The following SH3RF3 variants were observed in gnomAD, a reference collection of about 807,000 sequenced individuals.
SH3RF3 encodes E3 ubiquitin-protein ligase SH3RF3.
SH3RF3 carries 29 observed loss-of-function variants against 66.3 expected under a neutral mutation model. That is an observed-to-expected ratio of 0.44 (90% CI 0.33 to 0.60). The LOEUF is 0.60. Among genes scored for constraint, SH3RF3 ranks in the 20% least tolerant of loss-of-function variants. The probability of loss-of-function intolerance (pLI) is 0.04; values close to 1 mark genes in which losing one functional copy is unlikely to be tolerated. For synonymous variants in SH3RF3, 583 were observed against 532.0 expected (o/e 1.10, Z -1.32); for missense variants, 1,194 against 1,190.9 (o/e 1.00, Z -0.04).
At chr2:109,138,177 G>A (rs1676857359) in intron 1 of SH3RF3, among the ~76,000 whole-genome samples, 2 of 152,138 alleles carry the variant, frequency 1.3e-5, no homozygotes, top group African/African-American at 4.8e-5. Flanking sequence ...CACCACGCCC[G>A]GCTAACGCCC....
intron 1 of SH3RF3, among the ~76,000 whole-genome samples, chr2:109,187,177 C>A (rs937712482): frequency 6.6e-6 from 1 of 152,222 alleles, no homozygotes; most frequent in East Asian, 1.9e-4. Context: ...GTCGTCATTA[C>A]AAGAAAGTAT....
At chr2:109,273,270 G>T (rs561235438) in intron 1 of SH3RF3, among the ~76,000 whole-genome samples, 40 of 152,344 alleles carry the variant, frequency 2.6e-4, no homozygotes, top group African/African-American at 9.1e-4. Context: ...ATGTGTTTCT[G>T]TGGATGTATC....
chr2:109,416,555 T>G (rs1315924543), intron 4 of SH3RF3, among the ~76,000 whole-genome samples: 1 of 151,976 alleles, frequency 6.6e-6, no homozygotes, highest in Non-Finnish European at 1.5e-5. Flanking sequence ...TGGCTAATTT[T>G]TGTATTTTTA....
intron 1 of SH3RF3, among the ~76,000 whole-genome samples, chr2:109,244,714 C>T (rs990167619): frequency 6.6e-6 from 1 of 152,158 alleles, no homozygotes; most frequent in Non-Finnish European, 1.5e-5. Flanking sequence ...GAATCACAGC[C>T]TCTAGAGACA....
At chr2:109,141,323 CT>C (rs546684513) in intron 1 of SH3RF3, among the ~76,000 whole-genome samples, 119 of 152,330 alleles carry the variant, frequency 7.8e-4, no homozygotes, top group African/African-American at 2.4e-3. Context: ...GGCTGGCTTT[CT>C]GGAGGCAGCC....
intron 8 of SH3RF3, among the ~76,000 whole-genome samples, chr2:109,449,720 A>G (rs886696802): frequency 6.6e-6 from 1 of 152,224 alleles, no homozygotes; most frequent in African/African-American, 2.4e-5. Flanking sequence ...AAGTCCAGCT[A>G]CATTTCTCAT....
chr2:109,388,202 T>G (rs1007436208), intron 3 of SH3RF3, among the ~76,000 whole-genome samples: 3 of 152,198 alleles, frequency 2.0e-5, no homozygotes, highest in Non-Finnish European at 4.4e-5. Flanking sequence ...TATGGTTATG[T>G]CCTGTCTGTA....
chr2:109,131,978 G>A (rs1439870339), intron 1 of SH3RF3, among the ~76,000 whole-genome samples: 1 of 152,196 alleles, frequency 6.6e-6, no homozygotes, highest in Non-Finnish European at 1.5e-5. Flanking sequence ...CTTCGGGAGT[G>A]GGAAGGATTG....
chr2:109,371,725 C>G, intron 3 of SH3RF3, 44 bp downstream of exon 3: 1 of 1,568,926 alleles, frequency 6.4e-7, no homozygotes, highest in East Asian at 2.3e-5. Context: ...TTCTTGCCCA[C>G]CCTTGTTTCA....
rs893659462 is a variant in SH3RF3, at chr2:109,503,404, C to T, written c.*1733C>T. 5.9e-5 allele frequency: 9 copies of T among 152,258 alleles called. No individual in the cohort carries two copies. The highest frequency in any genetic ancestry group is 1.9e-4 in the African/African-American group (8 of 41,534). 9.4% of individuals were successfully genotyped at this position (152,258 alleles called of 1,614,324 possible). ...TGGGACGTGACTTGGCTACTTGTTA[C>T]TTCCAGGTGGTCACCACACGGCGGG... On this transcript the variant is annotated 3_prime_UTR_variant, in exon 10 of 10. Coordinates refer to ENST00000309415, the MANE Select transcript of SH3RF3 (RefSeq NM_001099289.3).
chr2:109,465,262 T>C (rs948703762), intron 8 of SH3RF3, among the ~76,000 whole-genome samples: 2 of 152,262 alleles, frequency 1.3e-5, no homozygotes, highest in Admixed American at 6.5e-5. Context: ...TTGGCAGTTA[T>C]GAATACAGCC....
At chr2:109,312,376 A>T (rs1300406835) in intron 1 of SH3RF3, among the ~76,000 whole-genome samples, 1 of 152,194 alleles carries the variant, frequency 6.6e-6, no homozygotes, top group Non-Finnish European at 1.5e-5. Context: ...TAATACTTAT[A>T]ACATGAAAGT....
intron 1 of SH3RF3, among the ~76,000 whole-genome samples, chr2:109,265,540 C>T (rs1178596937): frequency 6.6e-6 from 1 of 152,186 alleles, no homozygotes; most frequent in Non-Finnish European, 1.5e-5. Context: ...AGGCTGGGGT[C>T]CCTGCAAGCC....
At chr2:109,275,150 G>T (rs955830395) in intron 1 of SH3RF3, among the ~76,000 whole-genome samples, 1 of 152,144 alleles carries the variant, frequency 6.6e-6, no homozygotes, top group Non-Finnish European at 1.5e-5. Flanking sequence ...AGAGCCTGAG[G>T]TTGACCTTTC....
At chr2:109,488,686 A>G (rs1440381441) in intron 8 of SH3RF3, among the ~76,000 whole-genome samples, 2 of 152,338 alleles carry the variant, frequency 1.3e-5, no homozygotes, top group African/African-American at 4.8e-5. Context: ...TGTGCCGCCA[A>G]CAAGAGTTCT....
intron 1 of SH3RF3, among the ~76,000 whole-genome samples, chr2:109,133,254 T>C (rs1336530793): frequency 2.0e-5 from 3 of 152,262 alleles, no homozygotes; most frequent in Admixed American, 1.3e-4. Context: ...AAAGTCGGCA[T>C]TACAGCCTAA....
At position 109,501,516 on chromosome 2, in the gene SH3RF3, G is replaced by T; in HGVS notation, c.2494G>T (p.Val832Phe). Residue 832 changes from valine to phenylalanine, a missense_variant, in exon 10 of 10, where the codon GTC becomes TTC. Physicochemically the swap from Val to Phe is conservative, Grantham distance 50. Coordinates refer to ENST00000309415, the MANE Select transcript of SH3RF3 (RefSeq NM_001099289.3). ...LLPRERYRVV[V>F]SYPPQSEAEI... ...CTGTTTCCCCAGGTACCGCGTGGTG[G>T]TCTCGTACCCACCCCAGAGTGAGGC... 1.3e-6 allele frequency: 1 copy of T among 778,522 alleles called. No individual in the cohort carries two copies. The highest frequency in any genetic ancestry group is 1.7e-5 in the Admixed American group (1 of 58,808). 48.2% of individuals were successfully genotyped at this position (778,522 alleles called of 1,614,324 possible).
At chr2:109,384,470 C>A (rs1281462000) in intron 3 of SH3RF3, among the ~76,000 whole-genome samples, 1 of 151,754 alleles carries the variant, frequency 6.6e-6, no homozygotes, top group East Asian at 1.9e-4. Context: ...GACTCTAAGC[C>A]AGGGTGACCA....
At chr2:109,452,589 A>G (rs1677906996) in intron 8 of SH3RF3, among the ~76,000 whole-genome samples, 1 of 152,142 alleles carries the variant, frequency 6.6e-6, no homozygotes, top group African/African-American at 2.4e-5. Flanking sequence ...AGTAGGGAGT[A>G]ATTTTCTCCT....
Sources: allele counts gnomAD v4.1 joint callset (sites outside exome capture counted in the v4.1 genomes callset), GRCh38; gene constraint gnomAD v4.1.1; transcripts MANE v1.5; gene names NCBI Gene and HGNC (gene_info 2026-07-23, HGNC 2026-07-21).